The following AIMP1 variants were observed in gnomAD, a reference collection of about 807,000 sequenced individuals.
The protein encoded by AIMP1 is aminoacyl tRNA synthase complex-interacting multifunctional protein 1.
A neutral mutation model predicts 33.1 loss-of-function variants in AIMP1; 24 were observed. That is an observed-to-expected ratio of 0.73 (90% CI 0.53 to 1.02). The LOEUF is 1.02. AIMP1 is among the 50% of genes least tolerant of loss of function. AIMP1 has a pLI of 0.00. For missense variants in AIMP1, 367 were observed against 364.8 expected, an observed-to-expected ratio of 1.01 and a Z score of -0.05; for synonymous variants, 120 against 121.5, an observed-to-expected ratio of 0.99 and a Z score of 0.08.
In AIMP1 at chr4:106,329,772, C is replaced by CTTTTTTT. The variant is rs59016309; in HGVS notation, c.391+1553_391+1559dup. On this transcript the variant is annotated intron_variant, in intron 4 of 6. Transcript: ENST00000672341. ...ATGATCTTTCTAGACTGCTACATAT[C>CTTTTTTT]TTTTTTTTTTTTTTTTTTTTTTTTT... Among the ~76,000 whole-genome samples the CTTTTTTT allele has an allele frequency of 4.0e-4, 21 of 53,084 alleles. 1 individual carries two copies. Among genetic ancestry groups the CTTTTTTT allele is most frequent in the East Asian group, 2.2e-3 (4 of 1,858 alleles). 34.8% of individuals were successfully genotyped at this position (53,084 alleles called of 152,430 possible).
chr4:106,339,292 G>A (rs1770008555), intron 6 of AIMP1, among the ~76,000 whole-genome samples: 1 of 152,162 alleles, frequency 6.6e-6, no homozygotes, highest in Non-Finnish European at 1.5e-5. Flanking sequence ...TGGTTTGGCT[G>A]TGTCCCCACC....
Position 106,328,750 on chromosome 4 carries a change from A to G in AIMP1, c.391+507A>G, listed in dbSNP as rs1579634054. 2.0e-5 allele frequency among the ~76,000 whole-genome samples: 3 copies of G among 152,302 alleles called. No individual in the cohort carries two copies. In the South Asian group the frequency reaches 6.2e-4, roughly 32 times the overall value. Reference sequence around the variant, plus strand: ...TAGTCATCAACCTTAACCTGTCCCTATTCCCTGTTCTTCATATCTAATTAA... The same window carrying G: ...TAGTCATCAACCTTAACCTGTCCCTGTTCCCTGTTCTTCATATCTAATTAA... On this transcript the variant is annotated intron_variant, in intron 4 of 6. Transcript: ENST00000672341.
intron 6 of AIMP1, among the ~76,000 whole-genome samples, chr4:106,344,470 G>A (rs1770217472): frequency 6.6e-6 from 1 of 151,972 alleles, no homozygotes; most frequent in South Asian, 2.1e-4. Context: ...TCTACCTTCT[G>A]AACATACCGA....
At chr4:106,320,958 G>A (rs920097552) in intron 1 of AIMP1, among the ~76,000 whole-genome samples, 1 of 152,162 alleles carries the variant, frequency 6.6e-6, no homozygotes, top group Non-Finnish European at 1.5e-5. Context: ...GTGTTGGCCG[G>A]GCTGGTCTCC....
intron 1 of AIMP1, among the ~76,000 whole-genome samples, chr4:106,322,257 A>G (rs7696662): frequency 0.17 from 25,274 of 151,536 alleles, 2,155 homozygotes; most frequent in South Asian, 0.25. Flanking sequence ...CCCCCTCTCC[A>G]AGAAACACCC....
intron 3 of AIMP1, 27 bp from the exon 4 acceptor site, chr4:106,328,049 A>G (rs1180224128): frequency 6.2e-7 from 1 of 1,608,124 alleles, no homozygotes; most frequent in Non-Finnish European, 8.5e-7. Flanking sequence ...TTTAATATGA[A>G]TGACATTATT....
chr4:106,319,571 A>G (rs1196812098), intron 1 of AIMP1, among the ~76,000 whole-genome samples: 1 of 152,208 alleles, frequency 6.6e-6, no homozygotes, highest in African/African-American at 2.4e-5. Flanking sequence ...CATTATTACC[A>G]TTTTAATTTA....
chr4:106,337,723 T>C (rs531299331), intron 6 of AIMP1, among the ~76,000 whole-genome samples: 1 of 152,300 alleles, frequency 6.6e-6, no homozygotes, highest in Admixed American at 6.5e-5. Context: ...TGGAACAGTT[T>C]GGAGGGTTCA....
At chr4:106,335,675 AG>A (rs1454961547) in intron 5 of AIMP1, among the ~76,000 whole-genome samples, 4 of 152,170 alleles carry the variant, frequency 2.6e-5, no homozygotes, top group African/African-American at 9.7e-5. Flanking sequence ...GCATTCGAAG[AG>A]AAATATTATT....
At chr4:106,318,611 G>A (rs1769079821) in intron 1 of AIMP1, among the ~76,000 whole-genome samples, 1 of 152,100 alleles carries the variant, frequency 6.6e-6, no homozygotes, top group African/African-American at 2.4e-5. Flanking sequence ...TTTTTAAGTT[G>A]TTGACATCTT....
At chr4:106,323,521 A>G (rs1449278215) in intron 1 of AIMP1, among the ~76,000 whole-genome samples, 1 of 152,026 alleles carries the variant, frequency 6.6e-6, no homozygotes, top group African/African-American at 2.4e-5. Flanking sequence ...AACACAGAAT[A>G]CCATGTTGTT....
At position 106,347,639 on chromosome 4, in the gene AIMP1, AAAGGG is replaced by A; in HGVS notation, c.893_897del (p.Lys298SerfsTer3). On this transcript the variant is annotated frameshift_variant, in exon 7 of 7. Coordinates refer to ENST00000672341, the MANE Select transcript of AIMP1 (RefSeq NM_001142416.2). LOFTEE classifies it high-confidence loss of function. ...ATACAAAGGAGTTCCCTTTGAGGTG[AAAGGG>A]AAGGGAGTATGTAGGGCTCAAACCA... The A allele has an allele frequency of 6.2e-7, 1 of 1,613,392 alleles. No homozygotes were observed. Among genetic ancestry groups the A allele is most frequent in the Non-Finnish European group, 8.5e-7 (1 of 1,179,632 alleles).
intron 6 of AIMP1, among the ~76,000 whole-genome samples, chr4:106,344,013 G>A (rs1770198051): frequency 6.6e-6 from 1 of 152,078 alleles, no homozygotes; most frequent in Admixed American, 6.6e-5. Context: ...TGTTTTGCCA[G>A]AACTGCTTTG....
At chr4:106,331,548 A>G in intron 4 of AIMP1, 124 bp from the exon 5 acceptor site, 1 of 762,618 alleles carries the variant, frequency 1.3e-6, no homozygotes, top group South Asian at 1.6e-5. Flanking sequence ...AAGTGAAGGT[A>G]GGAGATAAAC....
chr4:106,323,795 C>G (rs1406307017), intron 1 of AIMP1, among the ~76,000 whole-genome samples: 4 of 151,926 alleles, frequency 2.6e-5, no homozygotes, highest in Non-Finnish European at 5.9e-5. Flanking sequence ...ACATCTCTAG[C>G]AAAGACATAT....
intron 6 of AIMP1, among the ~76,000 whole-genome samples, chr4:106,345,931 A>G (rs918885460): frequency 1.3e-5 from 2 of 150,040 alleles, no homozygotes; most frequent in African/African-American, 4.9e-5. Context: ...AAATATAAAT[A>G]CTTCCAGTAA....
At chr4:106,334,971 T>G (rs1246153622) in intron 5 of AIMP1, among the ~76,000 whole-genome samples, 1 of 152,132 alleles carries the variant, frequency 6.6e-6, no homozygotes, top group Non-Finnish European at 1.5e-5. Context: ...CCAAATGTCT[T>G]ATAGATCATT....
At chr4:106,327,967 C>A in intron 3 of AIMP1, 109 bp from the exon 4 acceptor site, 1 of 1,482,610 alleles carries the variant, frequency 6.7e-7, no homozygotes, top group Non-Finnish European at 9.1e-7. Flanking sequence ...TAGCCATATA[C>A]AGTGAATTTT....
intron 6 of AIMP1, among the ~76,000 whole-genome samples, chr4:106,342,802 AAGG>A (rs1770146589): frequency 6.6e-6 from 1 of 151,990 alleles, no homozygotes; most frequent in African/African-American, 2.4e-5. Context: ...CTTCACAAGG[AAGG>A]AGCTCCTCTT....
Sources: gnomAD v4.1 joint callset for allele counts (sites outside exome capture counted in the v4.1 genomes callset) on GRCh38, gnomAD v4.1.1 for gene constraint, MANE v1.5 for transcripts, NCBI Gene and HGNC (gene_info 2026-07-23, HGNC 2026-07-21) for gene names.